The following ITGAD variants were observed in gnomAD, a reference collection of about 807,000 sequenced individuals.
ITGAD encodes the protein integrin alpha-D.
In ITGAD, 105 loss-of-function variants were observed where a neutral mutation model predicts 139.0. The observed-to-expected ratio is 0.76, with a 90% CI of 0.65 to 0.89. The LOEUF (loss-of-function observed/expected upper bound fraction) is 0.89. Among genes scored for constraint, ITGAD ranks in the 40% least tolerant of loss-of-function variants. The pLI is 0.00. For missense variants in ITGAD, 1,384 were observed against 1,487.3 expected, an observed-to-expected ratio of 0.93 and a Z score of 1.14; for synonymous variants, 569 against 598.3, an observed-to-expected ratio of 0.95 and a Z score of 0.71.
chr16:31,419,894 G>T (rs1048297409), intron 23 of ITGAD, among the ~76,000 whole-genome samples: 2 of 151,714 alleles, frequency 1.3e-5, no homozygotes, highest in Non-Finnish European at 2.9e-5. Context: ...TATCCTTGGT[G>T]TATTTGTACC....
At position 31,424,597 on chromosome 16, in the gene ITGAD, CTTTTTT is replaced by C; in HGVS notation, c.3372+31_3372+36del. 8.3e-7 allele frequency: 1 copy of C among 1,200,994 alleles called. No individual in the cohort carries two copies. Among genetic ancestry groups the C allele is most frequent in the Non-Finnish European group, 1.1e-6 (1 of 871,596 alleles). The allele number at this position is 1,200,994 out of a possible 1,614,324, so 74.4% of individuals were successfully genotyped here. ...TACAAGGCAAGTGTTTTATCCAACT[CTTTTTT>C]TTTTTTTTTTGAGATGGAGTTTCCA... On this transcript the variant is annotated intron_variant, in intron 29 of 29. Coordinates refer to ENST00000389202, the MANE Select transcript of ITGAD (RefSeq NM_005353.3).
chr16:31,399,859 G>C (rs2081360748), intron 5 of ITGAD, among the ~76,000 whole-genome samples: 1 of 152,128 alleles, frequency 6.6e-6, no homozygotes, highest in Non-Finnish European at 1.5e-5. Context: ...CAACATCCTG[G>C]GTGGCGGGCA....
chr16:31,410,749 G>C lies in ITGAD; in HGVS notation c.1227G>C (p.Glu409Asp). 3 of 1,612,268 alleles carry C rather than the reference G, an allele frequency of 1.9e-6. No individual in the cohort carries two copies. Among genetic ancestry groups the C allele is most frequent in the Non-Finnish European group, 2.5e-6 (3 of 1,179,544 alleles). ...TGGGCCCCTCAGGTTACTCCACCGA[G>C]CTAGCCCTGTGGAAGGGGGTACAGA... ...MRDSYLGYST[E>D]LALWKGVQNL... The change falls in exon 12 of 30, where the codon GAG (glutamate) becomes GAC (aspartate). Residue 409 changes from glutamate to aspartate, a missense_variant. Coordinates refer to ENST00000389202, the MANE Select transcript of ITGAD (RefSeq NM_005353.3).
chr16:31,425,583 T>C (rs1417547601), intron 29 of ITGAD, among the ~76,000 whole-genome samples: 1 of 152,178 alleles, frequency 6.6e-6, no homozygotes, highest in Non-Finnish European at 1.5e-5. Flanking sequence ...GTTAGCTTAG[T>C]TGTTGCCTCC....
intron 5 of ITGAD, among the ~76,000 whole-genome samples, chr16:31,398,439 A>AC (rs1334493188): frequency 1.3e-5 from 2 of 151,596 alleles, no homozygotes; most frequent in South Asian, 4.2e-4. Context: ...AAAAAAAAAA[A>AC]AAAACAAAAA....
chr16:31,425,683 C>T (rs1450279040), intron 29 of ITGAD, among the ~76,000 whole-genome samples: 2 of 149,764 alleles, frequency 1.3e-5, no homozygotes, highest in Admixed American at 6.6e-5. Context: ...TCTTTTTCTT[C>T]TTCTTCTTTT....
intron 4 of ITGAD, 42 bp from the exon 5 acceptor site, chr16:31,397,753 G>A (rs2081306709): frequency 3.1e-6 from 5 of 1,598,534 alleles, no homozygotes; most frequent in Non-Finnish European, 4.3e-6. Context: ...TGAAGGAGGA[G>A]GGGCTGCTAG....
At chr16:31,402,038 G>A (rs1307138657) in intron 5 of ITGAD, 77 bp from the exon 6 acceptor site, 2 of 1,523,308 alleles carry the variant, frequency 1.3e-6, no homozygotes, top group South Asian at 1.2e-5. Flanking sequence ...ACAGCCCCCG[G>A]GCTCTGTTGA....
chr16:31,421,845 G>T (rs997838096), intron 23 of ITGAD, among the ~76,000 whole-genome samples: 5 of 152,156 alleles, frequency 3.3e-5, no homozygotes, highest in African/African-American at 4.8e-5. Context: ...TCAGGCTGAT[G>T]GGGGGTGGAC....
rs572061050 is a variant in ITGAD at position 31,415,722 on chromosome 16, C to T, written c.2284-491C>T. Among the ~76,000 whole-genome samples, 5 of 152,334 alleles carry T rather than the reference C, an allele frequency of 3.3e-5. No homozygotes were observed. The South Asian group carries it at 8.3e-4, about 25-fold the overall frequency. Reference sequence around the variant, plus strand: ...TTCCCCCGAAGCTCCAGCCTTACCTCCCTCTCTTCTGAAGGCCACACTCAG... The same window carrying T: ...TTCCCCCGAAGCTCCAGCCTTACCTTCCTCTCTTCTGAAGGCCACACTCAG... On this transcript the variant is annotated intron_variant, in intron 18 of 29. Coordinates refer to ENST00000389202, the MANE Select transcript of ITGAD (RefSeq NM_005353.3).
chr16:31,422,899 C>G (rs752406785), intron 23 of ITGAD, among the ~76,000 whole-genome samples: 2 of 152,064 alleles, frequency 1.3e-5, no homozygotes, highest in African/African-American at 4.8e-5. Context: ...CGATGTTGCC[C>G]CAGCTGGTCT....
intron 5 of ITGAD, among the ~76,000 whole-genome samples, chr16:31,399,387 T>C (rs2081349150): frequency 6.6e-6 from 1 of 152,154 alleles, no homozygotes; most frequent in African/African-American, 2.4e-5. Flanking sequence ...GCAAACTGTC[T>C]CATCTGCCGT....
intron 16 of ITGAD, 136 bp from the exon 17 acceptor site, chr16:31,414,315 A>G: frequency 2.4e-6 from 2 of 833,060 alleles, no homozygotes; most frequent in East Asian, 5.1e-5. Flanking sequence ...TCTTCTTCAC[A>G]TGTATCCCCA....
intron 7 of ITGAD, among the ~76,000 whole-genome samples, chr16:31,406,760 C>T (rs775925649): frequency 6.6e-5 from 10 of 152,134 alleles, no homozygotes; most frequent in Admixed American, 3.9e-4. Context: ...TCACTTCCAC[C>T]GCACGTTACT....
chr16:31,422,783 G>T (rs1341440301), intron 23 of ITGAD, among the ~76,000 whole-genome samples: 1 of 152,118 alleles, frequency 6.6e-6, no homozygotes, highest in Non-Finnish European at 1.5e-5. Flanking sequence ...GTGGATCTGG[G>T]TGATGGGGGC....
At chr16:31,425,541 G>A (rs542600912) in intron 29 of ITGAD, among the ~76,000 whole-genome samples, 1 of 152,280 alleles carries the variant, frequency 6.6e-6, no homozygotes, top group South Asian at 2.1e-4. Context: ...TATGATAGCT[G>A]TTCACATAAA....
intron 5 of ITGAD, among the ~76,000 whole-genome samples, chr16:31,400,336 C>CT (rs1386686331): frequency 6.5e-4 from 99 of 151,764 alleles, no homozygotes; most frequent in African/African-American, 2.3e-3. Flanking sequence ...GAGGAAAAGG[C>CT]ATTTTTTTTT....
At chr16:31,406,114 G>A (rs1000524313) in intron 7 of ITGAD, among the ~76,000 whole-genome samples, 2 of 148,926 alleles carry the variant, frequency 1.3e-5, no homozygotes, top group African/African-American at 2.5e-5. Context: ...TTGCTCTGTC[G>A]CCCAGGCTGG....
Position 31,397,924 on chromosome 16 carries a change from G to C in ITGAD, c.427+15G>C. 1 of 1,586,068 alleles carries C rather than the reference G, an allele frequency of 6.3e-7. No homozygotes were observed. The highest frequency in any genetic ancestry group is 8.6e-7 in the Non-Finnish European group (1 of 1,158,944). On this transcript the variant is annotated intron_variant, in intron 5 of 29. Coordinates refer to ENST00000389202, the MANE Select transcript of ITGAD (RefSeq NM_005353.3). ...CGCCACGCCAGGTAGGTCCCTGGCAGGCCATGGTTCCCTGTGGAGCACATG... is the reference window on the plus strand; with the variant it reads ...CGCCACGCCAGGTAGGTCCCTGGCACGCCATGGTTCCCTGTGGAGCACATG...
Sources: allele counts gnomAD v4.1 joint callset (sites outside exome capture counted in the v4.1 genomes callset), GRCh38; gene constraint gnomAD v4.1.1; transcripts MANE v1.5; gene names NCBI Gene and HGNC (gene_info 2026-07-23, HGNC 2026-07-21).